The following NDRG2 variants were observed in gnomAD, a reference collection of about 807,000 sequenced individuals.
NDRG2 encodes the protein NDRG family member 2.
A neutral mutation model predicts 58.2 loss-of-function variants in NDRG2; 34 were observed. The ratio of observed to expected loss-of-function variants is 0.58; its 90% CI spans 0.44 to 0.78. NDRG2 has a LOEUF of 0.78. Ranked by LOEUF, NDRG2 falls within the 30% of genes least tolerant of loss-of-function variation. NDRG2 has a pLI of 0.00. For synonymous variants in NDRG2, 187 were observed against 175.9 expected (o/e 1.06, Z -0.50); for missense variants, 434 against 471.2 (o/e 0.92, Z 0.73).
intron 1 of NDRG2, among the ~76,000 whole-genome samples, chr14:21,052,939 A>G (rs1330040406): frequency 1.3e-5 from 2 of 152,228 alleles, no homozygotes; most frequent in African/African-American, 4.8e-5. Flanking sequence ...GTGCCCCTCC[A>G]TACTTTGATC....
chr14:21,067,072 A>C (rs959353870), intron 1 of NDRG2, among the ~76,000 whole-genome samples: 1 of 152,128 alleles, frequency 6.6e-6, no homozygotes, highest in African/African-American at 2.4e-5. Flanking sequence ...TCCCAGGGAG[A>C]AATAGTGAGC....
At chr14:21,032,896 G>C in intron 1 of NDRG2, 1 of 454,338 alleles carries the variant, frequency 2.2e-6, no homozygotes, top group South Asian at 1.6e-5. Flanking sequence ...GGGGGCTCGT[G>C]TGCCCTTCAC....
chr14:21,031,715 G>A (rs1884175534), intron 1 of NDRG2, among the ~76,000 whole-genome samples: 2 of 152,162 alleles, frequency 1.3e-5, no homozygotes, highest in South Asian at 2.1e-4. Context: ...ATGAGTGAAC[G>A]GCTCTTACCA....
At chr14:21,018,942 T>A (rs1878485140) in intron 11 of NDRG2, 128 bp from the exon 12 acceptor site, 1 of 1,329,998 alleles carries the variant, frequency 7.5e-7, no homozygotes, top group East Asian at 2.4e-5. Context: ...TCCCTGCTGA[T>A]GCCACCAAGA....
intron 1 of NDRG2, among the ~76,000 whole-genome samples, chr14:21,053,093 G>A (rs1195809696): frequency 6.6e-6 from 1 of 152,190 alleles, no homozygotes; most frequent in East Asian, 1.9e-4. Flanking sequence ...TTTGAGAAAA[G>A]TTGAATTCTC....
rs1396341638 is a variant in NDRG2, at chr14:21,033,867, T to C, written c.25-10546A>G. The C allele has an allele frequency of 3.1e-6, 5 of 1,614,084 alleles. No homozygotes were observed. The highest frequency in any genetic ancestry group is 4.2e-6 in the Non-Finnish European group (5 of 1,179,964). ...GATACCTATTGGATCAGCTTCATAC[T>C]TGCGGGAGCAGAGTAGGTAGAGCTT... On this transcript the variant is annotated intron_variant, in intron 1 of 14. Coordinates refer to the NDRG2 transcript ENST00000403829.
intron 6 of NDRG2, 139 bp from the exon 7 acceptor site, chr14:21,020,983 C>T (rs974687194): frequency 2.0e-5 from 20 of 987,044 alleles, no homozygotes; most frequent in Admixed American, 3.9e-5. Context: ...CTTTGGAGGA[C>T]GCGAAAAAGA....
chr14:21,048,447 G>A (rs780162049), intron 1 of NDRG2: 17 of 152,072 alleles, frequency 1.1e-4, no homozygotes, highest in Non-Finnish European at 1.9e-4. Context: ...TAGGGAGGTG[G>A]GAGTTTCCCC....
At chr14:21,052,983 G>A (rs1315683361) in intron 1 of NDRG2, among the ~76,000 whole-genome samples, 2 of 152,134 alleles carry the variant, frequency 1.3e-5, no homozygotes, top group Non-Finnish European at 2.9e-5. Context: ...CCTACTAATC[G>A]ATATGGGGAT....
chr14:21,068,615 C>A (rs1050485969), intron 1 of NDRG2, among the ~76,000 whole-genome samples: 11 of 152,032 alleles, frequency 7.2e-5, no homozygotes, highest in African/African-American at 2.4e-4. Flanking sequence ...GAATGGACAC[C>A]AGGGGGTAGC....
chr14:21,056,408 TA>T (rs1312111553), intron 1 of NDRG2, among the ~76,000 whole-genome samples: 1 of 152,198 alleles, frequency 6.6e-6, no homozygotes, highest in African/African-American at 2.4e-5. Flanking sequence ...TGTTACTTTG[TA>T]AACAGAAGTA....
At chr14:21,064,393 TTG>T (rs150194404) in intron 1 of NDRG2, among the ~76,000 whole-genome samples, 18,732 of 151,994 alleles carry the variant, frequency 0.12, 1,472 homozygotes, top group Admixed American at 0.2. Flanking sequence ...CCTCTGCCCC[TTG>T]GGTTCAAGCG....
rs77107395 is a variant in NDRG2, at chr14:21,031,732, C to T, written c.25-8411G>A. On this transcript the variant is annotated intron_variant, in intron 1 of 14. Coordinates refer to the NDRG2 transcript ENST00000403829. ...GAGTGAACGGCTCTTACCAGAGTAC[C>T]TGCCCACAGCTGTATCTGGGCCCTA... Among the ~76,000 whole-genome samples, 27 of 152,312 alleles carry T rather than the reference C, an allele frequency of 1.8e-4. No homozygotes were observed. The East Asian group carries it at 4.2e-3, about 24-fold the overall frequency.
chr14:21,018,115 G>A lies in NDRG2; in HGVS notation c.898-77C>T, dbSNP rs1288229621. 15 of 1,596,804 alleles carry A rather than the reference G, an allele frequency of 9.4e-6. No individual in the cohort carries two copies. The East Asian group carries it at 2.7e-4, about 29-fold the overall frequency. On this transcript the variant is annotated intron_variant, in intron 14 of 15. Transcript: ENST00000556147. ...AGCTGGAGCCTGAGGCTGCGGCACT[G>A]TGGGGCCGGGTGTGTGGCAAAGGGC...
At chr14:21,054,335 TAC>T (rs3061929) in intron 1 of NDRG2, among the ~76,000 whole-genome samples, 68,511 of 149,892 alleles carry the variant, frequency 0.46, 18,356 homozygotes, top group Non-Finnish European at 0.6. Context: ...AAAGAGATAA[TAC>T]ACACACACAC....
intron 6 of NDRG2, chr14:21,021,231 C>T (rs908393626): frequency 5.1e-6 from 2 of 390,050 alleles, no homozygotes; most frequent in Non-Finnish European, 1.0e-5. Context: ...GAACTTAAAG[C>T]AAATGTGAAA....
chr14:21,037,584 C>T lies in NDRG2; in HGVS notation c.25-14263G>A, dbSNP rs141791248. On this transcript the variant is annotated intron_variant, in intron 1 of 14. Transcript: ENST00000403829. ...ACATCCCACATTTCACAGGACAGCT[C>T]CCATAACAAAGAATTATCCAGACCA... 2.7e-3 allele frequency among the ~76,000 whole-genome samples: 409 copies of T among 152,298 alleles called. 1 individual carries two copies. Among genetic ancestry groups the T allele is most frequent in the Middle Eastern group, 0.01 (3 of 294 alleles).
At chr14:21,020,176 C>T in intron 8 of NDRG2, 200 bp from the exon 9 acceptor site, 1 of 575,794 alleles carries the variant, frequency 1.7e-6, no homozygotes, top group South Asian at 1.9e-5. Flanking sequence ...TGCCTGTAAT[C>T]CCAGCTACTT....
intron 1 of NDRG2, chr14:21,058,425 C>T (rs1199766406): frequency 7.9e-6 from 9 of 1,146,266 alleles, no homozygotes; most frequent in African/African-American, 3.1e-5. Flanking sequence ...CCCTCCAGTT[C>T]GTTATTAATC....
Sources: gnomAD v4.1 joint callset for allele counts (sites outside exome capture counted in the v4.1 genomes callset) on GRCh38, gnomAD v4.1.1 for gene constraint, MANE v1.5 for transcripts, NCBI Gene and HGNC (gene_info 2026-07-23, HGNC 2026-07-21) for gene names.